The following PIK3CD variants were observed in gnomAD, a reference collection of about 807,000 sequenced individuals.
PIK3CD encodes the protein phosphatidylinositol 4,5-bisphosphate 3-kinase catalytic subunit delta isoform.
Under a neutral mutation model 122.9 loss-of-function variants are expected in PIK3CD, and 20 were observed. The observed-to-expected ratio is 0.16, with a 90% CI of 0.11 to 0.24. The LOEUF (loss-of-function observed/expected upper bound fraction) is 0.24. PIK3CD is among the 10% of genes least tolerant of loss of function. PIK3CD has a pLI of 1.00. For synonymous variants in PIK3CD, 596 were observed against 593.4 expected, an observed-to-expected ratio of 1.00 and a Z score of -0.06; for missense variants, 787 against 1,406.3, an observed-to-expected ratio of 0.56 and a Z score of 7.04.
rs994616495 is a variant in PIK3CD, at chr1:9,717,415, A to T, written c.931-122A>T. The T allele has an allele frequency of 1.4e-5, 14 of 1,034,406 alleles. No individual in the cohort carries two copies. In the African/African-American group the frequency reaches 2.0e-4, roughly 15 times the overall value. 64.1% of individuals were successfully genotyped at this position (1,034,406 alleles called of 1,614,324 possible). ...AAAGGATAGCATTGTGGACAGGCCC[A>T]AACCTGGCCGCAAACCTGTGACCCT... is the stretch of plus-strand genomic sequence containing the variant. On this transcript the variant is annotated intron_variant, in intron 7 of 23. Coordinates refer to ENST00000377346, the MANE Select transcript of PIK3CD (RefSeq NM_005026.5). This position sits in a 1 kb window ranked among gnomAD's most constrained non-coding sequence, Gnocchi z 5.4.
chr1:9,646,545 T>C, the PIK3CD span, among the ~76,000 whole-genome samples: 1 of 152,108 alleles, frequency 6.6e-6, no homozygotes, highest in African/African-American at 2.4e-5. Flanking sequence ...AAGGTAAACA[T>C]ATGGGAGAAA....
At chr1:9,633,691 A>G in the PIK3CD span, among the ~76,000 whole-genome samples, 1 of 152,250 alleles carries the variant, frequency 6.6e-6, no homozygotes. Context: ...GTTTCTTAGC[A>G]GCAAATGTGA....
At chr1:9,646,286 T>C in the PIK3CD span, among the ~76,000 whole-genome samples, 67 of 152,198 alleles carry the variant, frequency 4.4e-4, 1 homozygote, top group African/African-American at 1.5e-3. Flanking sequence ...ATATAACTTC[T>C]CCTCAGCCCC....
chr1:9,695,051 G>A (rs191127711), intron 2 of PIK3CD, among the ~76,000 whole-genome samples: 1 of 152,146 alleles, frequency 6.6e-6, no homozygotes, highest in African/African-American at 2.4e-5. Flanking sequence ...AAAAATTTGA[G>A]AAGTCACAAA....
the PIK3CD span, among the ~76,000 whole-genome samples, chr1:9,646,302 G>A: frequency 6.6e-6 from 1 of 152,172 alleles, no homozygotes; most frequent in African/African-American, 2.4e-5. Flanking sequence ...GCCCCGGTAA[G>A]TTCATAGTTG....
At chr1:9,656,496 G>A (rs1644860063) in intron 1 of PIK3CD, among the ~76,000 whole-genome samples, 1 of 152,146 alleles carries the variant, frequency 6.6e-6, no homozygotes, top group Admixed American at 6.6e-5. Context: ...AAACAGAAAC[G>A]TGCATGCTTA....
At chr1:9,725,611 G>C (rs1214375422) in intron 23 of PIK3CD, among the ~76,000 whole-genome samples, 2 of 151,904 alleles carry the variant, frequency 1.3e-5, no homozygotes, top group Admixed American at 1.3e-4. Flanking sequence ...GGGTGCGGTG[G>C]CTCACGCCTG....
At chr1:9,671,915 A>C (rs1295047918) in intron 1 of PIK3CD, among the ~76,000 whole-genome samples, 3 of 152,214 alleles carry the variant, frequency 2.0e-5, no homozygotes, top group Admixed American at 1.3e-4. Context: ...GGCAGCTCAC[A>C]GTGCGGTCTG....
rs770085177 is a variant in PIK3CD, at chr1:9,718,831, C to T, written c.1158C>T (p.Arg386=). 1.2e-6 allele frequency: 2 copies of T among 1,612,954 alleles called. No homozygotes were observed. Among genetic ancestry groups the T allele is most frequent in the Non-Finnish European group, 1.7e-6 (2 of 1,180,016 alleles). The change falls in exon 9 of 24, where the codon CGC becomes CGT. Residue 386 remains arginine (R), a synonymous_variant. Coordinates refer to ENST00000377346, the MANE Select transcript of PIK3CD (RefSeq NM_005026.5). The surrounding 1 kb of genome is among the most constrained non-coding windows in gnomAD (Gnocchi z 7.2). ...ACATCAACATCTGCGACCTGCCCCG[C>T]ATGGCCCGTCTCTGCTTTGCGCTGT... ...EFDINICDLP[R]MARLCFALYA...
chr1:9,713,853 C>G (rs992900788), intron 3 of PIK3CD, among the ~76,000 whole-genome samples: 5 of 131,772 alleles, frequency 3.8e-5, no homozygotes, highest in African/African-American at 1.4e-4. Flanking sequence ...TATTTTTATA[C>G]TTTTTTTTTT....
Position 9,718,115 on chromosome 1 carries a change from C to T in PIK3CD, c.1020+489C>T, listed in dbSNP as rs1319519078. ...CATCGCAACAGCCTGCAGTCATGGG[C>T]TTTATTGTCCTGTTTGCTGGACATG... On this transcript the variant is annotated intron_variant, in intron 8 of 23. Coordinates refer to ENST00000377346, the MANE Select transcript of PIK3CD (RefSeq NM_005026.5). The surrounding 1 kb of genome is among the most constrained non-coding windows in gnomAD (Gnocchi z 7.2). 4 of 464,348 alleles carry T rather than the reference C, an allele frequency of 8.6e-6. No individual in the cohort carries two copies. The highest frequency in any genetic ancestry group is 1.7e-5 in the Non-Finnish European group (4 of 232,748). The allele number at this position is 464,348 out of a possible 1,614,324, so 28.8% of individuals were successfully genotyped here.
chr1:9,664,763 G>A (rs1357178718), intron 1 of PIK3CD, among the ~76,000 whole-genome samples: 1 of 152,160 alleles, frequency 6.6e-6, no homozygotes, highest in African/African-American at 2.4e-5. Flanking sequence ...GCTCATGTGA[G>A]TATCTCCTCC....
chr1:9,726,256 C>T (rs922393586), intron 23 of PIK3CD, among the ~76,000 whole-genome samples: 2 of 152,114 alleles, frequency 1.3e-5, no homozygotes, highest in Admixed American at 6.5e-5. Flanking sequence ...GGCCTGTAAA[C>T]CCAGCACTTT....
chr1:9,681,432 T>G (rs1469305733), intron 1 of PIK3CD, among the ~76,000 whole-genome samples: 2 of 152,270 alleles, frequency 1.3e-5, no homozygotes, highest in East Asian at 3.9e-4. Flanking sequence ...TTTGTTTGTT[T>G]GAGACGGAGT....
At chr1:9,635,586 T>C in the PIK3CD span, among the ~76,000 whole-genome samples, 9 of 152,162 alleles carry the variant, frequency 5.9e-5, no homozygotes, top group Non-Finnish European at 1.3e-4. Flanking sequence ...ATACCCCTGG[T>C]CTTATCAACT....
chr1:9,699,311 T>C (rs938254140), intron 2 of PIK3CD, among the ~76,000 whole-genome samples: 1 of 152,230 alleles, frequency 6.6e-6, no homozygotes, highest in Admixed American at 6.5e-5. Context: ...TGCCAGCTCT[T>C]GCTGTACATG....
intron 1 of PIK3CD, among the ~76,000 whole-genome samples, chr1:9,685,294 G>C (rs1455237463): frequency 6.6e-6 from 1 of 151,856 alleles, no homozygotes; most frequent in South Asian, 2.1e-4. Context: ...CATGTAACTG[G>C]TTTTTTTGTT....
chr1:9,720,652 CGAG>C lies in PIK3CD; in HGVS notation c.1520_1521+1del, dbSNP rs1557668669. 1 of 852,010 alleles carries C rather than the reference CGAG, an allele frequency of 1.2e-6. No individual in the cohort carries two copies. The allele number at this position is 852,010 out of a possible 1,614,324, so 52.8% of individuals were successfully genotyped here. The stretch of plus-strand genomic sequence containing the variant: ...GACACAGCGAGTGTGTGCATGTCAC[CGAG>C]GAGGAGGTGAGTGGGGTGGGGGTGT... On this transcript the variant is annotated inframe_deletion, in exon 12 of 24. Coordinates refer to ENST00000377346, the MANE Select transcript of PIK3CD (RefSeq NM_005026.5). The surrounding 1 kb of genome is among the most constrained non-coding windows in gnomAD (Gnocchi z 9.0).
chr1:9,669,390 T>C (rs1645255736), intron 1 of PIK3CD, among the ~76,000 whole-genome samples: 1 of 152,150 alleles, frequency 6.6e-6, no homozygotes. Context: ...TGAGTCAACA[T>C]GAGTGACCAT....
Sources: allele counts gnomAD v4.1 joint callset (sites outside exome capture counted in the v4.1 genomes callset), GRCh38; gene constraint gnomAD v4.1.1; non-coding constraint Gnocchi (gnomAD v3.1); transcripts MANE v1.5; gene names NCBI Gene and HGNC (gene_info 2026-07-23, HGNC 2026-07-21).